Variants in SORCS3 observed in about 807,000 individuals in gnomAD.
SORCS3 encodes the protein sortilin related VPS10 domain containing receptor 3.
In SORCS3, 57 loss-of-function variants were observed where a neutral mutation model predicts 146.3. The ratio of observed to expected loss-of-function variants is 0.39; its 90% confidence interval spans 0.31 to 0.49. The LOEUF is 0.49. SORCS3 is among the 20% of genes least tolerant of loss of function. The pLI is 0.92. For missense variants in SORCS3, 1,341 were observed against 1,575.5 expected (o/e 0.85, Z 2.52); for synonymous variants, 653 against 618.5 (o/e 1.06, Z -0.83).
chr10:105,181,280 A>G (rs2056441058), intron 14 of SORCS3, among the ~76,000 whole-genome samples: 1 of 152,156 alleles, frequency 6.6e-6, no homozygotes, highest in South Asian at 2.1e-4. Context: ...TTGATTATAG[A>G]TCTCTAGAGA....
intron 3 of SORCS3, among the ~76,000 whole-genome samples, chr10:104,920,970 A>G (rs1227866467): frequency 6.6e-6 from 1 of 152,156 alleles, no homozygotes; most frequent in Non-Finnish European, 1.5e-5. Flanking sequence ...TTTGAGCCCA[A>G]CTTCCTTATG....
intron 2 of SORCS3, among the ~76,000 whole-genome samples, chr10:104,908,683 T>C (rs2018934030): frequency 6.6e-6 from 1 of 152,236 alleles, no homozygotes; most frequent in Admixed American, 6.5e-5. Context: ...GAGAAGCTTT[T>C]AGCAATTGCT....
intron 1 of SORCS3, among the ~76,000 whole-genome samples, chr10:104,745,049 G>A (rs1371430274): frequency 6.6e-6 from 1 of 152,286 alleles, no homozygotes; most frequent in Non-Finnish European, 1.5e-5. Flanking sequence ...ATTTGTTATG[G>A]TTTGTTTAAA....
intron 4 of SORCS3, among the ~76,000 whole-genome samples, chr10:105,041,984 T>G (rs2055341235): frequency 6.6e-6 from 1 of 152,208 alleles, no homozygotes; most frequent in Admixed American, 6.6e-5. Context: ...AAATCCTAGT[T>G]TCTTTGACCA....
chr10:105,245,506 A>G, intron 20 of SORCS3, 36 bp from the exon 21 acceptor site: 2 of 1,612,154 alleles, frequency 1.2e-6, no homozygotes, highest in Non-Finnish European at 1.7e-6. Flanking sequence ...GATATCCCAC[A>G]CAAGACTGAA....
At chr10:104,970,883 T>C (rs1371721203) in intron 3 of SORCS3, among the ~76,000 whole-genome samples, 2 of 152,212 alleles carry the variant, frequency 1.3e-5, no homozygotes, top group African/African-American at 4.8e-5. Flanking sequence ...AGTTAACACT[T>C]TTATTTTATA....
chr10:104,764,844 C>T (rs2017161102), intron 1 of SORCS3, among the ~76,000 whole-genome samples: 1 of 152,042 alleles, frequency 6.6e-6, no homozygotes, highest in Non-Finnish European at 1.5e-5. Flanking sequence ...TCTTAAACTC[C>T]CTTTGGCAAC....
In SORCS3 at chr10:105,069,587, A is replaced by G. The variant is rs1300227965; in HGVS notation, c.1029-20188A>G. Among the ~76,000 whole-genome samples, 3 of 152,178 alleles carry G rather than the reference A, an allele frequency of 2.0e-5. No individual in the cohort carries two copies. The East Asian group carries it at 5.8e-4, about 29-fold the overall frequency. ...CTGTTAATATCCGCAACTCCTTCAG[A>G]CAGTGCTTGGCTCTGCCACGCTCAG... On this transcript the variant is annotated intron_variant, in intron 5 of 26. Coordinates refer to ENST00000369701, the MANE Select transcript of SORCS3 (RefSeq NM_014978.3).
In SORCS3 at chr10:105,223,305, C is replaced by T. The variant is rs138457286; in HGVS notation, c.2868+56C>T. The T allele has an allele frequency of 4.2e-4, 632 of 1,508,480 alleles. 1 individual carries two copies. The highest frequency in any genetic ancestry group is 1.2e-3 in the Middle Eastern group (7 of 5,622). The allele number at this position is 1,508,480 out of a possible 1,614,324, so 93.4% of individuals were successfully genotyped here. On this transcript the variant is annotated intron_variant, in intron 20 of 26. Transcript: ENST00000369701. The stretch of plus-strand genomic sequence containing the variant: ...GATCTGTACTGAATGCTCCTATGTT[C>T]CAGCTTTTATGTGTCTATTAGGGGG...
At chr10:105,228,369 TCTC>T (rs1342197433) in intron 20 of SORCS3, among the ~76,000 whole-genome samples, 1 of 150,876 alleles carries the variant, frequency 6.6e-6, no homozygotes, top group Non-Finnish European at 1.5e-5. Context: ...TCTTTCTTTC[TCTC>T]TTTTCTTTCT....
chr10:105,031,822 A>G (rs1329794660), intron 4 of SORCS3, among the ~76,000 whole-genome samples: 1 of 152,182 alleles, frequency 6.6e-6, no homozygotes, highest in Non-Finnish European at 1.5e-5. Context: ...CTTCTCTACC[A>G]GCTAATCCAA....
chr10:105,054,928 T>G (rs568444094), intron 5 of SORCS3, among the ~76,000 whole-genome samples: 3 of 152,208 alleles, frequency 2.0e-5, no homozygotes, highest in Non-Finnish European at 4.4e-5. Flanking sequence ...CCAAATGAAT[T>G]TAGAATCACC....
At chr10:105,204,092 C>A (rs1329459191) in intron 16 of SORCS3, among the ~76,000 whole-genome samples, 1 of 151,922 alleles carries the variant, frequency 6.6e-6, no homozygotes, top group Non-Finnish European at 1.5e-5. Context: ...CGAGGGGGAG[C>A]CTTTACACGG....
At chr10:105,009,939 C>A (rs1342699751) in intron 4 of SORCS3, among the ~76,000 whole-genome samples, 1 of 152,102 alleles carries the variant, frequency 6.6e-6, no homozygotes. Context: ...AATTGAAAGG[C>A]TATTGAAATA....
At chr10:104,718,007 A>T (rs1170740432) in intron 1 of SORCS3, among the ~76,000 whole-genome samples, 1 of 152,068 alleles carries the variant, frequency 6.6e-6, no homozygotes, top group Non-Finnish European at 1.5e-5. Context: ...TTAGCCAGGC[A>T]TGGTGGCAGG....
At chr10:105,250,102 C>CAGAA (rs2056890075) in intron 22 of SORCS3, among the ~76,000 whole-genome samples, 1 of 152,120 alleles carries the variant, frequency 6.6e-6, no homozygotes, top group Non-Finnish European at 1.5e-5. Context: ...TATTCATAGG[C>CAGAA]AGAACCTTCT....
At chr10:105,195,759 C>T (rs547804005) in intron 14 of SORCS3, among the ~76,000 whole-genome samples, 2 of 152,184 alleles carry the variant, frequency 1.3e-5, no homozygotes, top group African/African-American at 2.4e-5. Flanking sequence ...AATACATTAA[C>T]GTCTGAAAGT....
At chr10:104,948,694 G>A (rs909252193) in intron 3 of SORCS3, among the ~76,000 whole-genome samples, 1 of 152,198 alleles carries the variant, frequency 6.6e-6, no homozygotes, top group Non-Finnish European at 1.5e-5. Flanking sequence ...ACCTCTGCAA[G>A]AGGAAGATTA....
intron 7 of SORCS3, among the ~76,000 whole-genome samples, chr10:105,132,719 C>T (rs2056029607): frequency 6.6e-6 from 1 of 152,126 alleles, no homozygotes; most frequent in Non-Finnish European, 1.5e-5. Flanking sequence ...TTTCACTGGC[C>T]AGGAGCCCAA....
Sources: gnomAD v4.1 joint callset for allele counts (sites outside exome capture counted in the v4.1 genomes callset) on GRCh38, gnomAD v4.1.1 for gene constraint, MANE v1.5 for transcripts, NCBI Gene and HGNC (gene_info 2026-07-23, HGNC 2026-07-21) for gene names.